Variants in ANKRD44 observed in about 807,000 individuals in gnomAD.
ANKRD44 encodes the protein serine/threonine-protein phosphatase 6 regulatory ankyrin repeat subunit B.
Under a neutral mutation model 116.0 loss-of-function variants are expected in ANKRD44, and 35 were observed. The observed-to-expected ratio is 0.30, with a 90% CI of 0.23 to 0.40. The LOEUF (loss-of-function observed/expected upper bound fraction) is 0.40, where lower values mean the gene tolerates loss of function less well. Ranked by LOEUF, ANKRD44 falls within the 10% of genes least tolerant of loss-of-function variation. ANKRD44 has a pLI of 1.00. For missense variants in ANKRD44, 1,014 were observed against 1,242.6 expected, an observed-to-expected ratio of 0.82 and a Z score of 2.77; for synonymous variants, 435 against 461.8, an observed-to-expected ratio of 0.94 and a Z score of 0.74.
chr2:197,197,503 T>C (rs2080978821), intron 1 of ANKRD44, among the ~76,000 whole-genome samples: 1 of 152,188 alleles, frequency 6.6e-6, no homozygotes, highest in Non-Finnish European at 1.5e-5. Flanking sequence ...AGACATTTAC[T>C]GAGCATAAGA....
rs149107038 is a variant in ANKRD44, at chr2:197,186,612, CTT to C, written c.111+409_111+410del. Among the ~76,000 whole-genome samples the C allele has an allele frequency of 5.3e-3, 271 of 50,796 alleles. 2 individuals are homozygous for C. The highest frequency in any genetic ancestry group is 9.6e-3 in the Non-Finnish European group (218 of 22,754). 33.3% of individuals were successfully genotyped at this position (50,796 alleles called of 152,430 possible). On this transcript the variant is annotated intron_variant, in intron 2 of 27. Transcript: ENST00000282272. ...CCATCACTATGCCCGGCTAATTTTT[CTT>C]TTTTTTTTTTTTTTTTTTTTTTTTT...
At chr2:197,292,362 C>T (rs2083595528) in intron 1 of ANKRD44, among the ~76,000 whole-genome samples, 1 of 152,170 alleles carries the variant, frequency 6.6e-6, no homozygotes, top group Non-Finnish European at 1.5e-5. Context: ...TTAATGATCG[C>T]CATTCTAACT....
At chr2:197,036,504 C>T (rs1028188894) in intron 16 of ANKRD44, among the ~76,000 whole-genome samples, 1 of 152,154 alleles carries the variant, frequency 6.6e-6, no homozygotes. Flanking sequence ...AATGATCCAC[C>T]TCAGCCTCCC....
At chr2:197,152,263 C>T (rs2079672159) in intron 2 of ANKRD44, among the ~76,000 whole-genome samples, 1 of 152,174 alleles carries the variant, frequency 6.6e-6, no homozygotes, top group South Asian at 2.1e-4. Flanking sequence ...GTTACATAGG[C>T]TTTTATAACA....
chr2:197,273,977 AAAAATATATATATATAT>A lies in ANKRD44; in HGVS notation c.27+36584_27+36600del, dbSNP rs1453265957. 1.5e-3 allele frequency among the ~76,000 whole-genome samples: 78 copies of A among 51,326 alleles called. 3 individuals carry two copies. Among genetic ancestry groups the A allele is most frequent in the Non-Finnish European group, 2.6e-3 (72 of 27,452 alleles). The allele number at this position is 51,326 out of a possible 152,430, so 33.7% of individuals were successfully genotyped here. On this transcript the variant is annotated intron_variant, in intron 1 of 27. Transcript: ENST00000282272. ...ACCAACCACAAAAAAAAAAAAAAAA[AAAAATATATATATATAT>A]ATATATATATATATATATATATATA... is the stretch of plus-strand genomic sequence containing the variant.
chr2:197,013,442 G>T, intron 18 of ANKRD44, 69 bp downstream of exon 18: 1 of 1,494,736 alleles, frequency 6.7e-7, no homozygotes, highest in Non-Finnish European at 9.2e-7. Context: ...AGAAGATGCT[G>T]CTTTCCTTCT....
chr2:197,132,229 G>A (rs1020226105), intron 4 of ANKRD44, among the ~76,000 whole-genome samples: 1 of 152,192 alleles, frequency 6.6e-6, no homozygotes, highest in African/African-American at 2.4e-5. Context: ...GAGCAGGTTG[G>A]GGGTAGGAAA....
intron 10 of ANKRD44, among the ~76,000 whole-genome samples, chr2:197,094,879 T>G (rs1342737124): frequency 6.6e-6 from 1 of 152,224 alleles, no homozygotes; most frequent in African/African-American, 2.4e-5. Context: ...GAATCAAGTT[T>G]AAACACGCTA....
At chr2:197,061,838 TG>T (rs1360084616) in intron 16 of ANKRD44, among the ~76,000 whole-genome samples, 1 of 149,750 alleles carries the variant, frequency 6.7e-6, no homozygotes, top group African/African-American at 2.4e-5. Context: ...TGGAGTGCAA[TG>T]GTACAATCTT....
intron 1 of ANKRD44, among the ~76,000 whole-genome samples, chr2:197,264,875 C>T (rs1290484798): frequency 6.6e-6 from 1 of 152,124 alleles, no homozygotes; most frequent in East Asian, 1.9e-4. Flanking sequence ...TCAAAGTTAC[C>T]AGGTCAGCTT....
Position 197,129,371 on chromosome 2 carries a change from G to C in ANKRD44, c.262-3334C>G, listed in dbSNP as rs192258765. ...GGCTGATCTTGAACTCCTGACCTCA[G>C]TGATCCGCCTGCCTCAGCCTCCCAA... On this transcript the variant is annotated intron_variant, in intron 4 of 27. Transcript: ENST00000282272. 2.9e-3 allele frequency among the ~76,000 whole-genome samples: 439 copies of C among 152,228 alleles called. 1 individual carries two copies. The highest frequency in any genetic ancestry group is 0.017 in the East Asian group (86 of 5,176).
At chr2:196,976,640 G>A (rs947487237) in intron 21 of ANKRD44, among the ~76,000 whole-genome samples, 1 of 152,134 alleles carries the variant, frequency 6.6e-6, no homozygotes, top group Non-Finnish European at 1.5e-5. Context: ...GCCAAGACAG[G>A]TGGATTGCTT....
chr2:197,310,767 G>C lies in ANKRD44; in HGVS notation c.-163C>G. On this transcript the variant is annotated 5_prime_UTR_variant, in exon 1 of 28. Transcript: ENST00000282272. Reference sequence around the variant, plus strand: ...TCCTCCGCCGCCGCCTCCTCCCGCCGAGAGGCTGACACTGGCTAGTGGGGT... The same window carrying C: ...TCCTCCGCCGCCGCCTCCTCCCGCCCAGAGGCTGACACTGGCTAGTGGGGT... The C allele has an allele frequency of 1.6e-6, 1 of 633,392 alleles. No individual in the cohort carries two copies. Among genetic ancestry groups the C allele is most frequent in the South Asian group, 3.3e-5 (1 of 30,116 alleles). 39.2% of individuals were successfully genotyped at this position (633,392 alleles called of 1,614,324 possible).
intron 16 of ANKRD44, among the ~76,000 whole-genome samples, chr2:197,033,152 A>G (rs1169067362): frequency 6.6e-6 from 1 of 152,160 alleles, no homozygotes; most frequent in Non-Finnish European, 1.5e-5. Context: ...GTGAATGTCT[A>G]ATGGGAGATG....
At chr2:197,001,251 G>A (rs2076109361) in intron 22 of ANKRD44, among the ~76,000 whole-genome samples, 1 of 152,176 alleles carries the variant, frequency 6.6e-6, no homozygotes, top group Admixed American at 6.5e-5. Context: ...GGCTGACTAT[G>A]GAAGTCTGAC....
chr2:197,147,931 T>C lies in ANKRD44; in HGVS notation c.112-826A>G, dbSNP rs756984003. 6.6e-6 allele frequency: 3 copies of C among 454,388 alleles called. No homozygotes were observed. In the Middle Eastern group the frequency reaches 9.8e-4, roughly 148 times the overall value. 28.1% of individuals were successfully genotyped at this position (454,388 alleles called of 1,614,324 possible). A position where few individuals can be genotyped will look rare whatever the true frequency, so the allele number is the denominator to read the frequency against. ...CTGTAGCTCAAATTTTAAAATTTCC[T>C]CAAGATTCCACAGGTATATAGCACA... is the stretch of plus-strand genomic sequence containing the variant. On this transcript the variant is annotated intron_variant, in intron 2 of 27. Coordinates refer to ENST00000282272, the MANE Select transcript of ANKRD44 (RefSeq NM_001195144.2).
chr2:197,098,047 T>C (rs1311174801), intron 10 of ANKRD44, among the ~76,000 whole-genome samples: 1 of 152,218 alleles, frequency 6.6e-6, no homozygotes, highest in African/African-American at 2.4e-5. Context: ...TTTCTCTTTC[T>C]ACCCCATAAT....
At chr2:197,202,090 G>T (rs968764312) in intron 1 of ANKRD44, among the ~76,000 whole-genome samples, 13 of 152,238 alleles carry the variant, frequency 8.5e-5, no homozygotes, top group African/African-American at 3.1e-4. Context: ...GGTGGCCTGT[G>T]ACAGCAGTGG....
At chr2:197,057,670 A>T (rs1268835359) in intron 16 of ANKRD44, among the ~76,000 whole-genome samples, 1 of 152,162 alleles carries the variant, frequency 6.6e-6, no homozygotes, top group African/African-American at 2.4e-5. Context: ...AGCCTGGGCA[A>T]TACAGCAAGA....
Sources: allele counts gnomAD v4.1 joint callset (sites outside exome capture counted in the v4.1 genomes callset), GRCh38; gene constraint gnomAD v4.1.1; transcripts MANE v1.5; gene names NCBI Gene and HGNC (gene_info 2026-07-23, HGNC 2026-07-21).